The following MR1 variants were observed in gnomAD, a reference collection of about 807,000 sequenced individuals.
MR1 encodes the protein major histocompatibility complex, class I-related.
Under a neutral mutation model 37.8 loss-of-function variants are expected in MR1, and 44 were observed. The ratio of observed to expected loss-of-function variants is 1.16; its 90% confidence interval spans 0.91 to 1.50. MR1 has a LOEUF of 1.50. Ranked by LOEUF, MR1 falls within the 40% of genes most tolerant of loss-of-function variation. The pLI is 0.00. For synonymous variants in MR1, 153 were observed against 155.8 expected (o/e 0.98, Z 0.13); for missense variants, 386 against 419.1 (o/e 0.92, Z 0.69).
rs1658647195 is a variant in MR1, at chr1:181,056,885, T to G, written c.*1620T>G. The G allele has an allele frequency of 6.6e-6, 1 of 152,302 alleles. No individual in the cohort carries two copies. Among genetic ancestry groups the G allele is most frequent in the African/African-American group, 2.4e-5 (1 of 41,430 alleles). 9.4% of individuals were successfully genotyped at this position (152,302 alleles called of 1,614,324 possible). ...CTGTAATCCTAGCACTTTGGGAGGC[T>G]GAGGCAGGCGGATTCCCTGAGCTCA... On this transcript the variant is annotated 3_prime_UTR_variant, in exon 6 of 6. Transcript: ENST00000367580.
In MR1 at chr1:181,050,052, G is replaced by C; in HGVS notation, c.370G>C (p.Glu124Gln). Residue 124 changes from glutamate to glutamine, a missense_variant, in exon 3 of 6, where the codon GAG becomes CAG. Transcript: ENST00000367580. ...YQRMIGCELLEDGSTTGFLQY... is the reference protein window; with the variant it reads ...YQRMIGCELLQDGSTTGFLQY... Reference sequence around the variant, plus strand: ...GAGAATGATTGGCTGTGAGCTGCTGGAGGATGGAAGCACCACAGGATTTCT... The same window carrying C: ...GAGAATGATTGGCTGTGAGCTGCTGCAGGATGGAAGCACCACAGGATTTCT... 1 of 1,613,476 alleles carries C rather than the reference G, an allele frequency of 6.2e-7. No individual in the cohort carries two copies. Among genetic ancestry groups the C allele is most frequent in the Non-Finnish European group, 8.5e-7 (1 of 1,180,040 alleles).
intron 1 of MR1, among the ~76,000 whole-genome samples, chr1:181,036,228 A>G (rs918411062): frequency 6.6e-6 from 1 of 152,046 alleles, no homozygotes; most frequent in Non-Finnish European, 1.5e-5. Context: ...GGTATTTGCT[A>G]TTCTTATCTC....
At chr1:181,039,058 G>A (rs1270431950) in intron 1 of MR1, among the ~76,000 whole-genome samples, 1 of 151,822 alleles carries the variant, frequency 6.6e-6, no homozygotes, top group East Asian at 1.9e-4. Context: ...GCCTGCCTTG[G>A]CCCCCCAAAG....
intron 1 of MR1, among the ~76,000 whole-genome samples, chr1:181,035,961 CTG>C (rs1657247129): frequency 6.6e-6 from 1 of 152,134 alleles, no homozygotes; most frequent in Non-Finnish European, 1.5e-5. Context: ...CTGTTCTGTT[CTG>C]TGTCCTTGAG....
chr1:181,043,779 CTT>C (rs1453244699), intron 1 of MR1, among the ~76,000 whole-genome samples: 1 of 152,030 alleles, frequency 6.6e-6, no homozygotes, highest in Non-Finnish European at 1.5e-5. Context: ...CTCAGGGCCT[CTT>C]GTTTTTCCTA....
rs138429809 is a variant in MR1, at chr1:181,055,883, A to T, written c.*618A>T. 1 of 152,484 alleles carries T rather than the reference A, an allele frequency of 6.6e-6. No homozygotes were observed. Among genetic ancestry groups the T allele is most frequent in the African/African-American group, 2.4e-5 (1 of 41,564 alleles). The allele number at this position is 152,484 out of a possible 1,614,324, so 9.4% of individuals were successfully genotyped here. A position where few individuals can be genotyped will look rare whatever the true frequency, so the allele number is the denominator to read the frequency against. The stretch of plus-strand genomic sequence containing the variant: ...CATTTTCTGGCCTGAGAGAAAGCCA[A>T]AGTCCCCTGCTGTTCACAGCAACCC... On this transcript the variant is annotated 3_prime_UTR_variant, in exon 6 of 6. Coordinates refer to ENST00000367580, the MANE Select transcript of MR1 (RefSeq NM_001385161.1).
chr1:181,046,521 A>G (rs1657879238), intron 1 of MR1, among the ~76,000 whole-genome samples: 1 of 152,030 alleles, frequency 6.6e-6, no homozygotes, highest in Non-Finnish European at 1.5e-5. Flanking sequence ...GACGTGGAGA[A>G]CCTTTGTGTC....
chr1:181,042,393 G>A (rs6678384), intron 1 of MR1, among the ~76,000 whole-genome samples: 7 of 150,984 alleles, frequency 4.6e-5, no homozygotes, highest in African/African-American at 1.7e-4. Context: ...TAGAGATGGG[G>A]TTTCTCCATG....
At chr1:181,054,707 A>AT (rs1658515382) in intron 5 of MR1, among the ~76,000 whole-genome samples, 1 of 151,620 alleles carries the variant, frequency 6.6e-6, no homozygotes, top group South Asian at 2.1e-4. Flanking sequence ...TTAAAAAAAA[A>AT]AAAATTAGCT....
intron 1 of MR1, among the ~76,000 whole-genome samples, chr1:181,047,740 A>G (rs1412841211): frequency 6.7e-6 from 1 of 150,364 alleles, no homozygotes; most frequent in Non-Finnish European, 1.5e-5. Flanking sequence ...TACTTTAAAA[A>G]TATACAAAAA....
upstream of MR1, among the ~76,000 whole-genome samples, chr1:181,033,707 T>C (rs1250847901): frequency 6.6e-6 from 1 of 152,154 alleles, no homozygotes; most frequent in Non-Finnish European, 1.5e-5. Context: ...TGACCAGATA[T>C]GATTAATCTT....
chr1:181,050,779 G>GC (rs1355500647), intron 3 of MR1: 1 of 173,828 alleles, frequency 5.8e-6, no homozygotes, highest in Non-Finnish European at 1.2e-5. Flanking sequence ...ATTGCTTAAG[G>GC]CCAGGAGTTT....
chr1:181,053,541 T>A, intron 4 of MR1, 32 bp from the exon 5 acceptor site: 1 of 1,521,494 alleles, frequency 6.6e-7, no homozygotes, highest in Non-Finnish European at 9.1e-7. Flanking sequence ...GAAAGGGGAC[T>A]TGTGGATTTT....
Position 181,049,146 on chromosome 1 carries a change from T to C in MR1, c.162T>C (p.Pro54=), listed in dbSNP as rs61731101. The C allele has an allele frequency of 3.7e-3, 6,009 of 1,614,170 alleles. 201 individuals carry two copies. In the African/African-American group the frequency reaches 0.07, roughly 19 times the overall value. Residue 54 remains proline, a synonymous_variant, in exon 2 of 6, where the codon CCT becomes CCC. Coordinates refer to ENST00000367580, the MANE Select transcript of MR1 (RefSeq NM_001385161.1). Reference sequence around the variant, plus strand: ...CGGTTGGGTACGTGGACTCGCACCCTATCACCACATATGACAGTGTCACTC... The same window carrying C: ...CGGTTGGGTACGTGGACTCGCACCCCATCACCACATATGACAGTGTCACTC... ...FISVGYVDSH[P]ITTYDSVTRQ...
At chr1:181,037,126 T>C (rs1657315993) in intron 1 of MR1, 1 of 152,216 alleles carries the variant, frequency 6.6e-6, no homozygotes, top group Non-Finnish European at 1.5e-5. Context: ...AGTCTCTTGA[T>C]ATTACTCATA....
intron 4 of MR1, 97 bp from the exon 5 acceptor site, chr1:181,053,476 G>T (rs953909711): frequency 2.4e-6 from 2 of 829,226 alleles, no homozygotes; most frequent in Non-Finnish European, 4.1e-6. Flanking sequence ...GGAAAATGGT[G>T]TTGGGTTTCC....
Position 181,050,000 on chromosome 1 carries a change from G to A in MR1, c.329-11G>A, listed in dbSNP as rs1235554826. 6.2e-7 allele frequency: 1 copy of A among 1,609,988 alleles called. No individual in the cohort carries two copies. Among genetic ancestry groups the A allele is most frequent in the Admixed American group, 1.7e-5 (1 of 59,986 alleles). ...TGTGTGGACCCCTCTGGGCTTCTGT[G>A]TGTGTTCCAGGGTCTCACACTTACC... On this transcript the variant is annotated splice_polypyrimidine_tract_variant and intron_variant, in intron 2 of 5. Transcript: ENST00000367580.
At chr1:181,041,056 C>T (rs370418897) in intron 1 of MR1, among the ~76,000 whole-genome samples, 4 of 150,454 alleles carry the variant, frequency 2.7e-5, no homozygotes, top group Middle Eastern at 3.4e-3. Flanking sequence ...CACTCCAGCC[C>T]GGGTGACAGA....
chr1:181,038,311 C>A (rs1389760159), intron 1 of MR1, among the ~76,000 whole-genome samples: 5 of 152,204 alleles, frequency 3.3e-5, no homozygotes, highest in African/African-American at 1.2e-4. Flanking sequence ...ATGGTTCTTG[C>A]TGCACATAGA....
Sources: allele counts gnomAD v4.1 joint callset (sites outside exome capture counted in the v4.1 genomes callset), GRCh38; gene constraint gnomAD v4.1.1; transcripts MANE v1.5; gene names NCBI Gene and HGNC (gene_info 2026-07-23, HGNC 2026-07-21).